The following SNAPC4 variants were observed in gnomAD, a reference collection of about 807,000 sequenced individuals.
SNAPC4 encodes the protein small nuclear RNA activating complex polypeptide 4, also known as snRNA-activating protein complex subunit 4.
A neutral mutation model predicts 151.3 loss-of-function variants in SNAPC4; 127 were observed. The observed-to-expected ratio is 0.84, with a 90% confidence interval of 0.73 to 0.97. The LOEUF is 0.97. Ranked by LOEUF, SNAPC4 falls within the 50% of genes least tolerant of loss-of-function variation. The pLI, the probability that SNAPC4 is intolerant of heterozygous loss-of-function variation, is 0.00. For missense variants in SNAPC4, 2,186 were observed against 1,935.0 expected (o/e 1.13, Z -2.43); for synonymous variants, 1,002 against 824.4 (o/e 1.22, Z -3.69).
At chr9:136,381,250 T>C in intron 19 of SNAPC4, 72 bp downstream of exon 19, 2 of 1,181,886 alleles carry the variant, frequency 1.7e-6, no homozygotes, top group Non-Finnish European at 2.5e-6. Context: ...ATGAATCTAC[T>C]GCAGATTTCA....
rs772840374 is a variant in SNAPC4 at position 136,383,586 on chromosome 9, C to G, written c.1583G>C (p.Ser528Thr). 6.2e-7 allele frequency: 1 copy of G among 1,610,462 alleles called. No individual in the cohort carries two copies. Among genetic ancestry groups the G allele is most frequent in the South Asian group, 1.1e-5 (1 of 90,954 alleles). The change falls in exon 16 of 24, where the codon AGT (serine) becomes ACT (threonine). Residue 528 changes from serine to threonine, a missense_variant. Physicochemically the swap from Ser to Thr is moderately conservative, Grantham distance 58 (BLOSUM62 1). Coordinates refer to ENST00000684778, the MANE Select transcript of SNAPC4 (RefSeq NM_003086.4). This position sits in a 1 kb window ranked among gnomAD's most constrained non-coding sequence, Gnocchi z 4.2. Reference sequence around the variant, plus strand: ...GCTGCTGCTCCCTCCACTGCTGCCACTGCTGCTGCCGCTGCTGCTGGTAGA... The same window carrying G: ...GCTGCTGCTCCCTCCACTGCTGCCAGTGCTGCTGCCGCTGCTGCTGGTAGA... Reference protein sequence around the residue: ...WSSTSSSGSSSGSSGGSSSSS... With the variant: ...WSSTSSSGSSTGSSGGSSSSS...
Position 136,384,753 on chromosome 9 carries a change from G to C in SNAPC4, c.1387C>G (p.Gln463Glu). 6.3e-7 allele frequency: 1 copy of C among 1,580,762 alleles called. No homozygotes were observed. Among genetic ancestry groups the C allele is most frequent in the South Asian group, 1.1e-5 (1 of 88,240 alleles). Residue 463 changes from glutamine to glutamate, a missense_variant, in exon 14 of 24, where the codon CAG becomes GAG. By Grantham distance (29) the Gln-to-Glu change is conservative. Transcript: ENST00000684778. ...KGRWNLKEEE[Q>E]LIELIEKYGV... The stretch of plus-strand genomic sequence containing the variant: ...TATTTTTCTATTAATTCAATTAACT[G>C]TTCCTCTTCTTTTAAATTCCACCGA...
chr9:136,392,025 T>A lies in SNAPC4; in HGVS notation c.892A>T (p.Ser298Cys), dbSNP rs1834091980. 6.2e-7 allele frequency: 1 copy of A among 1,612,114 alleles called. No individual in the cohort carries two copies. Among genetic ancestry groups the A allele is most frequent in the Non-Finnish European group, 8.5e-7 (1 of 1,179,982 alleles). Residue 298 changes from serine (S) to cysteine (C), a missense_variant, in exon 10 of 24, where the codon AGC becomes TGC. Ser to Cys is a moderately radical substitution (Grantham distance 112). Transcript: ENST00000684778. ...TGCAGCCGCTCCTCCTCCTCCCTGC[T>A]CCACTCCTGCTTGTTGATGCTGGGG... Reference protein sequence around the residue: ...EHPSINKQEWSREEEERLQAI... With the variant: ...EHPSINKQEWCREEEERLQAI...
chr9:136,383,619 C>T lies in SNAPC4; in HGVS notation c.1550G>A (p.Arg517Gln), dbSNP rs571508787. The T allele has an allele frequency of 9.1e-5, 147 of 1,611,692 alleles. No individual in the cohort carries two copies. Among genetic ancestry groups the T allele is most frequent in the African/African-American group, 2.3e-4 (17 of 75,034 alleles). ...RRRRRARHSV[R>Q]WSSTSSSGSS... ...GCCGCTGCTGCTGGTAGAGCTCCAC[C>T]GGACGCTGTGACGGGCCCTCCGCCG... Residue 517 changes from arginine (R) to glutamine (Q), a missense_variant, in exon 16 of 24, where the codon CGG becomes CAG. Physicochemically the swap from Arg to Gln is conservative, Grantham distance 43 (BLOSUM62 1). Transcript: ENST00000684778. This position sits in a 1 kb window ranked among gnomAD's most constrained non-coding sequence, Gnocchi z 4.2.
At position 136,388,447 on chromosome 9, in the gene SNAPC4, T is replaced by C. The variant is rs1833963076; in HGVS notation, c.1120A>G (p.Arg374Gly). 2 of 1,613,026 alleles carry C rather than the reference T, an allele frequency of 1.2e-6. No individual in the cohort carries two copies. Among genetic ancestry groups the C allele is most frequent in the Non-Finnish European group, 1.7e-6 (2 of 1,179,464 alleles). ...MRVGSHIPYR[R>G]IVYYMEGRDS... is the part of the protein sequence containing the mutation. ...CGTCGGGGTGGAGGGGCCTCACTTC[T>C]GCGGTAGGGGATGTGGCTGCCGACG... Residue 374 changes from arginine to glycine, a missense_variant, in exon 11 of 24, where the codon AGA (arginine) becomes GGA (glycine). Transcript: ENST00000684778.
intron 10 of SNAPC4, 33 bp from the exon 11 acceptor site, chr9:136,388,624 T>A (rs1470203714): frequency 1.2e-6 from 2 of 1,612,996 alleles, no homozygotes; most frequent in Non-Finnish European, 1.7e-6. Flanking sequence ...AAATGAGTGT[T>A]ACTGCGCGGC....
At chr9:136,395,447 C>T in intron 4 of SNAPC4, 24 bp from the exon 5 acceptor site, 1 of 1,608,734 alleles carries the variant, frequency 6.2e-7, no homozygotes, top group Non-Finnish European at 8.5e-7. Flanking sequence ...AAGGCAGGGA[C>T]CCCTCTATGG....
chr9:136,383,300 C>A lies in SNAPC4; in HGVS notation c.1869G>T (p.Glu623Asp). 6.2e-7 allele frequency: 1 copy of A among 1,612,182 alleles called. No homozygotes were observed. The highest frequency in any genetic ancestry group is 8.5e-7 in the Non-Finnish European group (1 of 1,179,730). The change falls in exon 16 of 24, where the codon GAG becomes GAT. Residue 623 changes from glutamate to aspartate, a missense_variant. Coordinates refer to ENST00000684778, the MANE Select transcript of SNAPC4 (RefSeq NM_003086.4). This position sits in a 1 kb window ranked among gnomAD's most constrained non-coding sequence, Gnocchi z 4.2. ...CAGGGACCTGCACCGGACTCGTCTCCTCTCCAGGAGCCGCGGCTGTGGTGG... is the reference window on the plus strand; with the variant it reads ...CAGGGACCTGCACCGGACTCGTCTCATCTCCAGGAGCCGCGGCTGTGGTGG... ...EASTTAAAPG[E>D]ETSPVQVPAR...
At chr9:136,379,697 G>GA (rs1339248736) in intron 21 of SNAPC4, 140 bp downstream of exon 21, 11 of 805,936 alleles carry the variant, frequency 1.4e-5, no homozygotes, top group Non-Finnish European at 2.1e-5. Flanking sequence ...CCTGTGGTGG[G>GA]ACTCGAGGGA....
rs372773817 is a variant in SNAPC4 at position 136,378,217 on chromosome 9, C to T, written c.3610G>A (p.Gly1204Arg). The change falls in exon 22 of 24, where the codon GGG (glycine) becomes AGG (arginine). Residue 1204 changes from glycine (G) to arginine (R), a missense_variant. Transcript: ENST00000684778. Reference protein sequence around the residue: ...DPPEAEPPWSGRLPAFGGVIP... With the variant: ...DPPEAEPPWSRRLPAFGGVIP... ...ACACCACCGAAGGCTGGCAGCCTCCCGGACCAAGGGGGTTCTGCTTCAGGA... is the reference window on the plus strand; with the variant it reads ...ACACCACCGAAGGCTGGCAGCCTCCTGGACCAAGGGGGTTCTGCTTCAGGA... 3.0e-5 allele frequency: 49 copies of T among 1,611,626 alleles called. No homozygotes were observed. In the East Asian group the frequency reaches 4.2e-4, roughly 14 times the overall value.
In SNAPC4 at chr9:136,382,252, C is replaced by A. The variant is rs866495294; in HGVS notation, c.2067+1G>T. On this transcript the variant is annotated splice_donor_variant, in intron 17 of 23. Transcript: ENST00000684778. LOFTEE classifies it high-confidence loss of function. ...GCGTGGGTGTCTGCAGCAGGCCTCACCTGTGTGCAGCTCCGAGCAGCCGTG... is the reference window on the plus strand; with the variant it reads ...GCGTGGGTGTCTGCAGCAGGCCTCAACTGTGTGCAGCTCCGAGCAGCCGTG... 1 of 1,612,478 alleles carries A rather than the reference C, an allele frequency of 6.2e-7. No individual in the cohort carries two copies. Among genetic ancestry groups the A allele is most frequent in the East Asian group, 2.2e-5 (1 of 44,886 alleles).
At chr9:136,392,329 C>T (rs1469267048) in intron 9 of SNAPC4, among the ~76,000 whole-genome samples, 193 bp downstream of exon 9, 1 of 152,190 alleles carries the variant, frequency 6.6e-6, no homozygotes, top group African/African-American at 2.4e-5. Flanking sequence ...GGGCCGTGCA[C>T]CAGCCTGAAG....
In SNAPC4 at chr9:136,378,396, G is replaced by A. The variant is rs780772303; in HGVS notation, c.3431C>T (p.Pro1144Leu). The change falls in exon 22 of 24, where the codon CCG (proline) becomes CTG (leucine). Residue 1144 changes from proline to leucine, a missense_variant. By Grantham distance (98) the Pro-to-Leu change is moderately conservative. Transcript: ENST00000684778. ...GGTGTCTGTCCTGCAGGAAGGCTCCGGTTCCCTGTTCATATTGGCTGGGGG... is the reference window on the plus strand; with the variant it reads ...GGTGTCTGTCCTGCAGGAAGGCTCCAGTTCCCTGTTCATATTGGCTGGGGG... Reference protein sequence around the residue: ...WQPPANMNREPEPSCRTDTPA... With the variant: ...WQPPANMNRELEPSCRTDTPA... The A allele has an allele frequency of 1.1e-4, 172 of 1,609,054 alleles. No individual in the cohort carries two copies. Among genetic ancestry groups the A allele is most frequent in the South Asian group, 2.1e-4 (19 of 90,844 alleles).
chr9:136,378,469 G>A lies in SNAPC4; in HGVS notation c.3358C>T (p.Arg1120Trp), dbSNP rs768152908. Reference sequence around the variant, plus strand: ...GGGGCCCTGGGGCCCTGGGCCGCCCGAGTCTCAGTCAGGGGAGGCAGCAGA... The same window carrying A: ...GGGGCCCTGGGGCCCTGGGCCGCCCAAGTCTCAGTCAGGGGAGGCAGCAGA... Reference protein sequence around the residue: ...ATLLPPLTETRAAQGPRAPAL... With the variant: ...ATLLPPLTETWAAQGPRAPAL... Residue 1120 changes from arginine (R) to tryptophan (W), a missense_variant, in exon 22 of 24, where the codon CGG (arginine) becomes TGG (tryptophan). Physicochemically the swap from Arg to Trp is moderately radical, Grantham distance 101. Transcript: ENST00000684778. 282 of 1,589,680 alleles carry A rather than the reference G, an allele frequency of 1.8e-4. No individual in the cohort carries two copies. Among genetic ancestry groups the A allele is most frequent in the Middle Eastern group, 5.1e-4 (3 of 5,928 alleles).
chr9:136,392,006 C>T lies in SNAPC4; in HGVS notation c.911G>A (p.Arg304Gln), dbSNP rs201654979. Residue 304 changes from arginine (R) to glutamine (Q), a missense_variant, in exon 10 of 24, where the codon CGG becomes CAG. Coordinates refer to ENST00000684778, the MANE Select transcript of SNAPC4 (RefSeq NM_003086.4). Reference protein sequence around the residue: ...KQEWSREEEERLQAIAAAHGH... With the variant: ...KQEWSREEEEQLQAIAAAHGH... ...GTGTGCAGCCGCGATCGCCTGCAGC[C>T]GCTCCTCCTCCTCCCTGCTCCACTC... 3.8e-4 allele frequency: 610 copies of T among 1,610,888 alleles called. No homozygotes were observed. The highest frequency in any genetic ancestry group is 4.3e-4 in the Non-Finnish European group (507 of 1,179,984).
chr9:136,386,434 A>ATTTTT (rs1022722686), intron 13 of SNAPC4, among the ~76,000 whole-genome samples: 1 of 128,916 alleles, frequency 7.8e-6, no homozygotes. Flanking sequence ...TCTACACTTC[A>ATTTTT]TTTTTTTTTT....
At chr9:136,395,481 CGGA>C in intron 4 of SNAPC4, 58 bp from the exon 5 acceptor site, 1 of 1,587,778 alleles carries the variant, frequency 6.3e-7, no homozygotes, top group Non-Finnish European at 8.6e-7. Flanking sequence ...ACTCTCCCTG[CGGA>C]GGAGACCCGG....
chr9:136,386,227 G>A (rs1833884630), intron 13 of SNAPC4, among the ~76,000 whole-genome samples: 1 of 151,886 alleles, frequency 6.6e-6, no homozygotes, highest in East Asian at 1.9e-4. Flanking sequence ...ATGGCGCCAG[G>A]CATCTCTTCA....
At chr9:136,396,166 C>T (rs933524775) in intron 3 of SNAPC4, among the ~76,000 whole-genome samples, 1 of 152,224 alleles carries the variant, frequency 6.6e-6, no homozygotes, top group Non-Finnish European at 1.5e-5. Flanking sequence ...GGAGGAAAGT[C>T]TCTGCAGAGC....
Sources: gnomAD v4.1 joint callset for allele counts (sites outside exome capture counted in the v4.1 genomes callset) on GRCh38, gnomAD v4.1.1 for gene constraint, Gnocchi (gnomAD v3.1) non-coding constraint, MANE v1.5 for transcripts, NCBI Gene and HGNC (gene_info 2026-07-23, HGNC 2026-07-21) for gene names.